TCP11L1: variants seen among roughly 807,000 people sequenced by gnomAD.
TCP11L1 encodes the protein T-complex protein 11-like protein 1.
Under a neutral mutation model 48.9 loss-of-function variants are expected in TCP11L1, and 28 were observed. The ratio of observed to expected loss-of-function variants is 0.57; its 90% CI spans 0.42 to 0.78. The LOEUF (loss-of-function observed/expected upper bound fraction) is 0.78, where lower values mean the gene tolerates loss of function less well. TCP11L1 is among the 30% of genes least tolerant of loss of function. The pLI is 0.00. For missense variants in TCP11L1, 505 were observed against 613.4 expected (o/e 0.82, Z 1.87); for synonymous variants, 204 against 231.9 (o/e 0.88, Z 1.09).
chr11:33,050,670 A>G (rs1590224749), intron 2 of TCP11L1, among the ~76,000 whole-genome samples: 1 of 152,098 alleles, frequency 6.6e-6, no homozygotes, highest in East Asian at 1.9e-4. Context: ...AAACCTTTTT[A>G]TTTTCTTAAT....
rs74399455 is a variant in TCP11L1, at chr11:33,072,374, A to C, written c.1328-100A>C. On this transcript the variant is annotated intron_variant, in intron 9 of 9. Coordinates refer to ENST00000334274, the MANE Select transcript of TCP11L1 (RefSeq NM_018393.4). Reference sequence around the variant, plus strand: ...GGTCTGGGAGTATTGATCGGGGACAACTTCCCCTAAGAGGTGATGGTTAAG... The same window carrying C: ...GGTCTGGGAGTATTGATCGGGGACACCTTCCCCTAAGAGGTGATGGTTAAG... 1,707 of 1,256,694 alleles carry C rather than the reference A, an allele frequency of 1.4e-3. 13 individuals are homozygous for C. The African/African-American group carries it at 0.022, about 16-fold the overall frequency. 77.8% of individuals were successfully genotyped at this position (1,256,694 alleles called of 1,614,324 possible).
chr11:33,047,049 A>G (rs4275606), intron 2 of TCP11L1, among the ~76,000 whole-genome samples: 1 of 151,544 alleles, frequency 6.6e-6, no homozygotes, highest in African/African-American at 2.4e-5. Flanking sequence ...ATGGTGAAAC[A>G]CTGTTTCTAC....
rs145755006 is a variant in TCP11L1, at chr11:33,061,600, C to T, written c.846C>T (p.His282=). The change falls in exon 7 of 10, where the codon CAC becomes CAT. Residue 282 remains histidine (H), a synonymous_variant. Coordinates refer to ENST00000334274, the MANE Select transcript of TCP11L1 (RefSeq NM_018393.4). ...SEDLMTQKYK[H]ALPVGGMAAG... ...ACCTTATGACTCAGAAGTATAAACA[C>T]GCCCTGCCAGTGGGGGGAATGGCTG... 30 of 1,612,780 alleles carry T rather than the reference C, an allele frequency of 1.9e-5. No individual in the cohort carries two copies. Among genetic ancestry groups the T allele is most frequent in the Non-Finnish European group, 2.3e-5 (27 of 1,179,532 alleles).
intron 7 of TCP11L1, among the ~76,000 whole-genome samples, chr11:33,064,954 C>T (rs141316654): frequency 6.6e-6 from 1 of 152,322 alleles, no homozygotes. Context: ...TCGCACCTGG[C>T]CTTCCATTGC....
At chr11:33,059,702 C>CCT (rs974163624) in intron 6 of TCP11L1, among the ~76,000 whole-genome samples, 2 of 152,194 alleles carry the variant, frequency 1.3e-5, no homozygotes, top group African/African-American at 4.8e-5. Context: ...TTCCATTTGG[C>CCT]CTCTAACTTT....
At position 33,072,596 on chromosome 11, in the gene TCP11L1, G is replaced by A. The variant is rs371579654; in HGVS notation, c.1450G>A (p.Ala484Thr). Reference protein sequence around the residue: ...RELEEVAIKFARLVNYNKMVF... With the variant: ...RELEEVAIKFTRLVNYNKMVF... ...GCTGGAGGAAGTTGCTATTAAATTT[G>A]CTCGCCTGGTCAACTATAACAAGAT... is the stretch of plus-strand genomic sequence containing the variant. The change falls in exon 10 of 10, where the codon GCT becomes ACT. Residue 484 changes from alanine (A) to threonine (T), a missense_variant. By Grantham distance (58) the Ala-to-Thr change is moderately conservative. Transcript: ENST00000334274. 42 of 1,614,124 alleles carry A rather than the reference G, an allele frequency of 2.6e-5. No homozygotes were observed. The highest frequency in any genetic ancestry group is 3.3e-5 in the Admixed American group (2 of 60,012).
At position 33,043,236 on chromosome 11, in the gene TCP11L1, GA is replaced by G. The variant is rs945231305; in HGVS notation, c.-24-502del. 5.3e-4 allele frequency among the ~76,000 whole-genome samples: 40 copies of G among 75,346 alleles called. No individual in the cohort carries two copies. The East Asian group carries it at 0.013, about 24-fold the overall frequency. 49.4% of individuals were successfully genotyped at this position (75,346 alleles called of 152,430 possible). ...GGCAACAAGAGCAAAACTCCATCTG[GA>G]AAAAAAAAAAATTCTAGTTTCTGTC... On this transcript the variant is annotated intron_variant, in intron 1 of 9. Transcript: ENST00000334274.
intron 6 of TCP11L1, 70 bp downstream of exon 6, chr11:33,059,165 G>T: frequency 6.4e-7 from 1 of 1,568,998 alleles, no homozygotes; most frequent in Non-Finnish European, 8.7e-7. Context: ...ATAGCTTGTT[G>T]CATAATATTA....
In TCP11L1 at chr11:33,058,071, G is replaced by T. The variant is rs769860395; in HGVS notation, c.570G>T (p.Leu190=). 6.2e-7 allele frequency: 1 copy of T among 1,614,152 alleles called. No individual in the cohort carries two copies. Among genetic ancestry groups the T allele is most frequent in the Admixed American group, 1.7e-5 (1 of 60,012 alleles). Residue 190 remains leucine, a synonymous_variant, in exon 5 of 10, where the codon CTG becomes CTT. Coordinates refer to ENST00000334274, the MANE Select transcript of TCP11L1 (RefSeq NM_018393.4). ...AEFIIGMMGT[L]CAPARDEEVK... ...TCATTATTGGCATGATGGGGACACT[G>T]TGTGCACCTGCTCGAGATGAGGAAG...
chr11:33,046,083 C>T (rs886657472), intron 2 of TCP11L1, among the ~76,000 whole-genome samples: 2 of 152,250 alleles, frequency 1.3e-5, no homozygotes, highest in Non-Finnish European at 2.9e-5. Flanking sequence ...TCCATTCAAG[C>T]CACGAAGGGT....
intron 8 of TCP11L1, among the ~76,000 whole-genome samples, chr11:33,068,167 T>C (rs1854673764): frequency 1.3e-5 from 2 of 152,202 alleles, no homozygotes; most frequent in African/African-American, 2.4e-5. Context: ...TCCTGATCCA[T>C]CTGCCTTGGC....
chr11:33,059,320 G>A (rs1854406882), intron 6 of TCP11L1, among the ~76,000 whole-genome samples: 2 of 152,192 alleles, frequency 1.3e-5, no homozygotes, highest in Admixed American at 1.3e-4. Context: ...TAGGCTATGA[G>A]AATAGAAATT....
intron 3 of TCP11L1, among the ~76,000 whole-genome samples, chr11:33,055,997 T>C (rs1854297532): frequency 1.3e-5 from 2 of 152,160 alleles, no homozygotes; most frequent in South Asian, 4.1e-4. Flanking sequence ...TTTGTATTTG[T>C]AGTAGAGACA....
At position 33,060,047 on chromosome 11, in the gene TCP11L1, G is replaced by A. The variant is rs547750575; in HGVS notation, c.775+952G>A. Among the ~76,000 whole-genome samples the A allele has an allele frequency of 2.0e-5, 3 of 152,230 alleles. No homozygotes were observed. The East Asian group carries it at 5.8e-4, about 29-fold the overall frequency. Reference sequence around the variant, plus strand: ...GGGAGATTTTTGACCAGAATGGATTGACCACAAGCTCACACTCTCACCAGT... The same window carrying A: ...GGGAGATTTTTGACCAGAATGGATTAACCACAAGCTCACACTCTCACCAGT... On this transcript the variant is annotated intron_variant, in intron 6 of 9. Coordinates refer to ENST00000334274, the MANE Select transcript of TCP11L1 (RefSeq NM_018393.4).
In TCP11L1 at chr11:33,068,916, G is replaced by C. The variant is rs776426508; in HGVS notation, c.1327+57G>C. The C allele has an allele frequency of 1.2e-4, 183 of 1,575,072 alleles. 1 individual carries two copies. The highest frequency in any genetic ancestry group is 2.7e-5 in the Non-Finnish European group (31 of 1,156,490). On this transcript the variant is annotated intron_variant, in intron 9 of 9. Transcript: ENST00000334274. ...TGCCCTCTGAGGGGCTGGAGCACGA[G>C]TCCATCTGAAGAAACCTGAGGGCTC...
Position 33,058,068 on chromosome 11 carries a change from A to C in TCP11L1, c.567A>C (p.Thr189=). Residue 189 remains threonine, a synonymous_variant, in exon 5 of 10, where the codon ACA becomes ACC. Transcript: ENST00000334274. The part of the protein sequence containing the change: ...LAEFIIGMMG[T]LCAPARDEEV... ...AATTCATTATTGGCATGATGGGGAC[A>C]CTGTGTGCACCTGCTCGAGATGAGG... 6.2e-7 allele frequency: 1 copy of C among 1,614,188 alleles called. No homozygotes were observed. Among genetic ancestry groups the C allele is most frequent in the Admixed American group, 1.7e-5 (1 of 60,020 alleles).
intron 2 of TCP11L1, among the ~76,000 whole-genome samples, chr11:33,045,685 A>G (rs1199824710): frequency 6.6e-6 from 1 of 152,182 alleles, no homozygotes; most frequent in African/African-American, 2.4e-5. Flanking sequence ...GGATGGCCAG[A>G]CCCAACGTGG....
intron 2 of TCP11L1, among the ~76,000 whole-genome samples, chr11:33,050,370 TTAATAACACCTGATGCTTGA>T (rs35993433): frequency 0.71 from 106,734 of 150,906 alleles, 38,020 homozygotes; most frequent in East Asian, 0.87. Context: ...TTGGTGGAGT[TTAATAACACCTGATGCTTGA>T]TAATAACACC....
chr11:33,058,897 C>T, intron 5 of TCP11L1, 62 bp from the exon 6 acceptor site: 2 of 1,584,520 alleles, frequency 1.3e-6, no homozygotes, highest in Non-Finnish European at 1.7e-6. Context: ...GTCTGGTCCT[C>T]TTTTCCTTTA....
Sources: allele counts gnomAD v4.1 joint callset (sites outside exome capture counted in the v4.1 genomes callset), GRCh38; gene constraint gnomAD v4.1.1; transcripts MANE v1.5; gene names NCBI Gene and HGNC (gene_info 2026-07-23, HGNC 2026-07-21).